CTDSPL2: variants seen among roughly 807,000 people sequenced by gnomAD.
CTDSPL2 encodes the protein CTD small phosphatase-like protein 2.
In CTDSPL2, 5 loss-of-function variants were observed where a neutral mutation model predicts 60.0. That is an observed-to-expected ratio of 0.08 (90% CI 0.04 to 0.18). The LOEUF (loss-of-function observed/expected upper bound fraction) is 0.18. CTDSPL2 is among the 10% of genes least tolerant of loss of function. CTDSPL2 has a pLI of 1.00. For missense variants in CTDSPL2, 370 were observed against 548.8 expected (o/e 0.67, Z 3.26); for synonymous variants, 186 against 189.3 (o/e 0.98, Z 0.14).
chr15:44,466,115 T>G (rs2080684017), intron 2 of CTDSPL2, among the ~76,000 whole-genome samples: 1 of 151,946 alleles, frequency 6.6e-6, no homozygotes, highest in Non-Finnish European at 1.5e-5. Flanking sequence ...TTTTATATTT[T>G]TAGTAGAGAC....
rs551724124 is a variant in CTDSPL2, at chr15:44,490,637, G to A, written c.476-147G>A. 757 of 637,426 alleles carry A rather than the reference G, an allele frequency of 1.2e-3. 2 individuals carry two copies. Among genetic ancestry groups the A allele is most frequent in the Non-Finnish European group, 1.8e-3 (653 of 361,790 alleles). 39.5% of individuals were successfully genotyped at this position (637,426 alleles called of 1,614,324 possible). On this transcript the variant is annotated intron_variant, in intron 4 of 12. Coordinates refer to ENST00000260327, the MANE Select transcript of CTDSPL2 (RefSeq NM_016396.3). ...TATTCTTCATTGTTTGAAATAGCTAGCAAAGATTCTCTAAAAGCAATATAC... is the reference window on the plus strand; with the variant it reads ...TATTCTTCATTGTTTGAAATAGCTAACAAAGATTCTCTAAAAGCAATATAC...
At chr15:44,433,408 G>A (rs917023876) in intron 1 of CTDSPL2, among the ~76,000 whole-genome samples, 1 of 151,322 alleles carries the variant, frequency 6.6e-6, no homozygotes, top group Non-Finnish European at 1.5e-5. Context: ...ACAAGTGTGA[G>A]CCACTGCGCT....
chr15:44,493,883 G>A (rs894275116), intron 5 of CTDSPL2, among the ~76,000 whole-genome samples: 1 of 151,156 alleles, frequency 6.6e-6, no homozygotes, highest in Non-Finnish European at 1.5e-5. Context: ...ATTTTTTTTT[G>A]TGCTGATTAT....
At chr15:44,497,175 G>A (rs776289377) in intron 7 of CTDSPL2, 37 bp downstream of exon 7, 5 of 1,159,948 alleles carry the variant, frequency 4.3e-6, no homozygotes, top group Non-Finnish European at 3.7e-6. Context: ...GAGAATAAAG[G>A]GGTGAAATTC....
At chr15:44,428,285 G>T (rs1328027698) in intron 1 of CTDSPL2, among the ~76,000 whole-genome samples, 1 of 152,146 alleles carries the variant, frequency 6.6e-6, no homozygotes, top group Non-Finnish European at 1.5e-5. Flanking sequence ...TTAAAATCTC[G>T]AGTTGACATT....
At chr15:44,511,867 CAAAAAAAAAAAA>C (rs68063380) in intron 8 of CTDSPL2, among the ~76,000 whole-genome samples, 8 of 30,624 alleles carry the variant, frequency 2.6e-4, no homozygotes, top group East Asian at 1.2e-3. Context: ...GACGGTCTCG[CAAAAAAAAAAAA>C]AAAAAAAAAA....
intron 2 of CTDSPL2, among the ~76,000 whole-genome samples, chr15:44,474,681 C>T (rs1179076681): frequency 6.6e-6 from 1 of 151,966 alleles, no homozygotes; most frequent in African/African-American, 2.4e-5. Flanking sequence ...CATAGTGAAA[C>T]TCCATCTCTA....
At chr15:44,520,813 A>G (rs1210668577) in intron 11 of CTDSPL2, 1 of 152,166 alleles carries the variant, frequency 6.6e-6, no homozygotes, top group Non-Finnish European at 1.5e-5. Context: ...ATGAAATACC[A>G]TTAATTTGTT....
At chr15:44,489,662 T>A (rs1372538776) in intron 4 of CTDSPL2, among the ~76,000 whole-genome samples, 1 of 152,176 alleles carries the variant, frequency 6.6e-6, no homozygotes, top group African/African-American at 2.4e-5. Flanking sequence ...ACTTTGAGGA[T>A]TAGTCATTGG....
chr15:44,471,528 A>G (rs1196003887), intron 2 of CTDSPL2, among the ~76,000 whole-genome samples: 1 of 152,198 alleles, frequency 6.6e-6, no homozygotes, highest in African/African-American at 2.4e-5. Context: ...CCATCAACGT[A>G]TCTGTCACCT....
intron 5 of CTDSPL2, among the ~76,000 whole-genome samples, chr15:44,491,794 C>A (rs1264891770): frequency 1.3e-5 from 2 of 152,088 alleles, no homozygotes; most frequent in Admixed American, 1.3e-4. Context: ...GGGCCTATAA[C>A]CCAGCACTTC....
At chr15:44,435,353 T>G (rs1464383828) in intron 1 of CTDSPL2, among the ~76,000 whole-genome samples, 1 of 151,306 alleles carries the variant, frequency 6.6e-6, no homozygotes, top group African/African-American at 2.4e-5. Context: ...GTGGATCACC[T>G]TAGGTCAGGA....
At chr15:44,482,901 A>G (rs2081052964) in intron 2 of CTDSPL2, among the ~76,000 whole-genome samples, 1 of 152,204 alleles carries the variant, frequency 6.6e-6, no homozygotes, top group Admixed American at 6.5e-5. Context: ...CCTTACCAAA[A>G]GATTTCAGGT....
At chr15:44,462,517 C>T (rs1358638031) in intron 2 of CTDSPL2, among the ~76,000 whole-genome samples, 1 of 131,028 alleles carries the variant, frequency 7.6e-6, no homozygotes, top group Non-Finnish European at 1.7e-5. Flanking sequence ...GCACAATTCA[C>T]ACTAGAGTTC....
At position 44,524,184 on chromosome 15, in the gene CTDSPL2, C is replaced by G. The variant is rs770956735; in HGVS notation, c.*10C>G. 3 of 1,604,250 alleles carry G rather than the reference C, an allele frequency of 1.9e-6. No individual in the cohort carries two copies. Among genetic ancestry groups the G allele is most frequent in the Admixed American group, 1.7e-5 (1 of 60,008 alleles). On this transcript the variant is annotated 3_prime_UTR_variant, in exon 13 of 13. Transcript: ENST00000260327. ...GCTGCCCCCAGATTAAGTACAAAGA[C>G]TTGTCAAATCACTGAAGGGGGAGAG...
At chr15:44,496,992 A>G in intron 6 of CTDSPL2, 35 bp from the exon 7 acceptor site, 5 of 1,298,800 alleles carry the variant, frequency 3.8e-6, no homozygotes, top group Non-Finnish European at 5.5e-6. Flanking sequence ...TATAAAAAGT[A>G]AAATGTTGAA....
intron 11 of CTDSPL2, chr15:44,519,631 C>G (rs2081722862): frequency 5.7e-6 from 1 of 175,174 alleles, no homozygotes. Context: ...TTCTTCTGGT[C>G]TGGTTATTTG....
intron 1 of CTDSPL2, among the ~76,000 whole-genome samples, chr15:44,454,038 A>C (rs991597929): frequency 9.2e-5 from 14 of 152,238 alleles, no homozygotes; most frequent in Non-Finnish European, 1.8e-4. Flanking sequence ...TTACAGTCCC[A>C]GCAACAGTGT....
At chr15:44,474,232 C>G (rs1046849961) in intron 2 of CTDSPL2, among the ~76,000 whole-genome samples, 1 of 152,070 alleles carries the variant, frequency 6.6e-6, no homozygotes, top group Non-Finnish European at 1.5e-5. Context: ...GCCTGTAATC[C>G]TAGCACTTTA....
Sources: allele counts gnomAD v4.1 joint callset (sites outside exome capture counted in the v4.1 genomes callset), GRCh38; gene constraint gnomAD v4.1.1; transcripts MANE v1.5; gene names NCBI Gene and HGNC (gene_info 2026-07-23, HGNC 2026-07-21).